The following SRGAP3 variants were observed in gnomAD, a reference collection of about 807,000 sequenced individuals.
SRGAP3 encodes the protein SLIT-ROBO Rho GTPase-activating protein 3.
SRGAP3 carries 39 observed loss-of-function variants against 121.1 expected under a neutral mutation model. That is an observed-to-expected ratio of 0.32 (90% confidence interval 0.25 to 0.42). The LOEUF (loss-of-function observed/expected upper bound fraction) is 0.42, where lower values mean the gene tolerates loss of function less well. Among genes scored for constraint, SRGAP3 ranks in the 10% least tolerant of loss-of-function variants. The pLI is 1.00. For missense variants in SRGAP3, 1,213 were observed against 1,470.6 expected, an observed-to-expected ratio of 0.82 and a Z score of 2.86; for synonymous variants, 601 against 570.0, an observed-to-expected ratio of 1.05 and a Z score of -0.77.
At chr3:9,200,443 G>A (rs1050274482) in intron 1 of SRGAP3, among the ~76,000 whole-genome samples, 1 of 152,088 alleles carries the variant, frequency 6.6e-6, no homozygotes, top group Non-Finnish European at 1.5e-5. Flanking sequence ...AGCCAAAAAG[G>A]AACACACAAA....
At chr3:9,084,626 G>A (rs1344910811) in intron 3 of SRGAP3, among the ~76,000 whole-genome samples, 1 of 152,108 alleles carries the variant, frequency 6.6e-6, no homozygotes, top group East Asian at 1.9e-4. Context: ...GTTACTTGCA[G>A]CCAAAAGCAT....
chr3:9,307,761 C>A (rs185800405), intron 3 of SRGAP3, among the ~76,000 whole-genome samples: 22 of 152,274 alleles, frequency 1.4e-4, no homozygotes, highest in African/African-American at 4.8e-4. Flanking sequence ...ATCAGAGAAT[C>A]AAAAATTACT....
chr3:9,202,434 C>A (rs898328396), intron 1 of SRGAP3, among the ~76,000 whole-genome samples: 3 of 152,206 alleles, frequency 2.0e-5, no homozygotes, highest in Non-Finnish European at 2.9e-5. Flanking sequence ...ACCCTCTAAG[C>A]CCCAACTCCA....
chr3:9,192,769 G>A (rs1190383405), intron 1 of SRGAP3: 1 of 152,204 alleles, frequency 6.6e-6, no homozygotes, highest in African/African-American at 2.4e-5. Context: ...GTCAAACAGG[G>A]GCAGGGCAAG....
At chr3:9,254,329 T>G (rs1323500780), upstream of SRGAP3, among the ~76,000 whole-genome samples, 1 of 152,174 alleles carries the variant, frequency 6.6e-6, no homozygotes, top group Non-Finnish European at 1.5e-5. Context: ...TTATGCTAAG[T>G]CAAAGAAATA....
At chr3:9,097,613 A>G (rs543455810) in intron 3 of SRGAP3, among the ~76,000 whole-genome samples, 3 of 152,280 alleles carry the variant, frequency 2.0e-5, no homozygotes, top group Admixed American at 2.0e-4. Flanking sequence ...ATCTCTGCAC[A>G]TCTGTTGTGG....
intron 3 of SRGAP3, among the ~76,000 whole-genome samples, chr3:9,317,276 G>C (rs1385720639): frequency 6.6e-6 from 1 of 152,170 alleles, no homozygotes; most frequent in Non-Finnish European, 1.5e-5. Flanking sequence ...TCCTGACCCA[G>C]AAACAGGGAA....
intron 3 of SRGAP3, among the ~76,000 whole-genome samples, chr3:9,264,796 C>A (rs1375671300): frequency 6.6e-6 from 1 of 152,072 alleles, no homozygotes; most frequent in Admixed American, 6.6e-5. Context: ...GCCATACTGC[C>A]CAAAGTAATT....
intron 3 of SRGAP3, among the ~76,000 whole-genome samples, chr3:9,267,332 T>C (rs1001288987): frequency 8.5e-5 from 13 of 152,166 alleles, no homozygotes; most frequent in African/African-American, 3.1e-4. Context: ...TATTAACAAA[T>C]ATGGGATAAA....
chr3:8,980,755 G>T lies in SRGAP3; in HGVS notation c.*4764C>A. ...AGAAGAGGGCAACATTTATCATCACGTGGGGACAGGCAACCAGCAATTTCC... is the reference window on the plus strand; with the variant it reads ...AGAAGAGGGCAACATTTATCATCACTTGGGGACAGGCAACCAGCAATTTCC... On this transcript the variant is annotated 3_prime_UTR_variant, in exon 22 of 22. Transcript: ENST00000383836. 4.3e-6 allele frequency: 1 copy of T among 232,944 alleles called. No individual in the cohort carries two copies. The highest frequency in any genetic ancestry group is 8.5e-6 in the Non-Finnish European group (1 of 117,598). The allele number at this position is 232,944 out of a possible 1,614,324, so 14.4% of individuals were successfully genotyped here.
intron 3 of SRGAP3, among the ~76,000 whole-genome samples, chr3:9,266,197 G>A (rs1954362276): frequency 6.6e-6 from 1 of 152,078 alleles, no homozygotes; most frequent in African/African-American, 2.4e-5. Flanking sequence ...ACAGGGAGAG[G>A]AACATCACAT....
intron 1 of SRGAP3, among the ~76,000 whole-genome samples, chr3:9,351,955 A>G (rs2030189657): frequency 6.6e-6 from 1 of 152,180 alleles, no homozygotes; most frequent in Admixed American, 6.5e-5. Context: ...GTCAAAGAAG[A>G]GTTCCTGGAA....
At chr3:9,089,919 G>T (rs894916103) in intron 3 of SRGAP3, among the ~76,000 whole-genome samples, 1 of 152,036 alleles carries the variant, frequency 6.6e-6, no homozygotes, top group African/African-American at 2.4e-5. Flanking sequence ...CTCCCCGGGG[G>T]TTGCTAAAAG....
At chr3:8,987,761 C>A (rs1158598491) in intron 21 of SRGAP3, among the ~76,000 whole-genome samples, 1 of 150,162 alleles carries the variant, frequency 6.7e-6, no homozygotes, top group African/African-American at 2.5e-5. Flanking sequence ...TGTGCCTTAT[C>A]CAAAAGGAGG....
intron 7 of SRGAP3, 26 bp downstream of exon 7, chr3:9,058,225 A>G (rs1574995302): frequency 4.3e-6 from 7 of 1,610,840 alleles, no homozygotes; most frequent in Non-Finnish European, 5.1e-6. Context: ...AGCAGCCCCA[A>G]GCCCGGGCTC....
chr3:9,206,002 T>C (rs945965867), intron 1 of SRGAP3, among the ~76,000 whole-genome samples: 2 of 152,140 alleles, frequency 1.3e-5, no homozygotes, highest in Non-Finnish European at 2.9e-5. Flanking sequence ...ATTTAATGGG[T>C]GCAGAGTTTC....
chr3:9,337,261 T>C (rs1017406241), intron 1 of SRGAP3, among the ~76,000 whole-genome samples: 1 of 152,144 alleles, frequency 6.6e-6, no homozygotes, highest in Non-Finnish European at 1.5e-5. Context: ...ATCTGAAAAA[T>C]ACCTTCACAA....
intron 4 of SRGAP3, among the ~76,000 whole-genome samples, chr3:9,072,160 C>T (rs1283453411): frequency 6.6e-6 from 1 of 152,206 alleles, no homozygotes; most frequent in Non-Finnish European, 1.5e-5. Context: ...AGGAGCAGTG[C>T]TGACTGGGCG....
intron 4 of SRGAP3, among the ~76,000 whole-genome samples, chr3:9,064,784 A>T (rs1167816327): frequency 6.6e-6 from 1 of 152,052 alleles, no homozygotes; most frequent in Non-Finnish European, 1.5e-5. Flanking sequence ...TACCATCACC[A>T]TCATCATCAA....
Sources: allele counts gnomAD v4.1 joint callset (sites outside exome capture counted in the v4.1 genomes callset), GRCh38; gene constraint gnomAD v4.1.1; transcripts MANE v1.5; gene names NCBI Gene and HGNC (gene_info 2026-07-23, HGNC 2026-07-21).